Variants in TPRG1 observed in about 807,000 individuals in gnomAD.
The protein encoded by TPRG1 is tumor protein p63-regulated gene 1 protein.
In TPRG1, 29 loss-of-function variants were observed where a neutral mutation model predicts 29.3. The observed-to-expected ratio is 0.99, with a 90% confidence interval of 0.74 to 1.35. The LOEUF (loss-of-function observed/expected upper bound fraction) is 1.35. TPRG1 is among the 40% of genes most tolerant of loss of function. The pLI, the probability that TPRG1 is intolerant of heterozygous loss-of-function variation, is 0.00. For synonymous variants in TPRG1, 130 were observed against 116.8 expected, an observed-to-expected ratio of 1.11 and a Z score of -0.73; for missense variants, 327 against 335.0, an observed-to-expected ratio of 0.98 and a Z score of 0.19.
intron 4 of TPRG1, among the ~76,000 whole-genome samples, chr3:189,149,564 T>C (rs1300357997): frequency 6.6e-6 from 1 of 152,238 alleles, no homozygotes; most frequent in Non-Finnish European, 1.5e-5. Context: ...CAAAGACTGT[T>C]TTGTTTCAGC....
At chr3:189,294,453 G>A (rs537689231) in intron 4 of TPRG1, among the ~76,000 whole-genome samples, 37 of 152,290 alleles carry the variant, frequency 2.4e-4, no homozygotes, top group Non-Finnish European at 4.4e-4. Context: ...ATGAGCAAAG[G>A]TTGAACTGGA....
intron 3 of TPRG1, among the ~76,000 whole-genome samples, chr3:189,224,860 G>C (rs2108878466): frequency 6.6e-6 from 1 of 151,842 alleles, no homozygotes; most frequent in Non-Finnish European, 1.5e-5. Context: ...CTCTAACACA[G>C]TGTGCAATGG....
chr3:189,147,424 C>G (rs1039985793), intron 3 of TPRG1, among the ~76,000 whole-genome samples: 5 of 152,198 alleles, frequency 3.3e-5, no homozygotes, highest in African/African-American at 1.2e-4. Flanking sequence ...CACTACTACA[C>G]CAGCAGACGC....
intron 3 of TPRG1, among the ~76,000 whole-genome samples, chr3:189,134,227 C>T (rs1485248916): frequency 3.9e-5 from 6 of 151,988 alleles, no homozygotes; most frequent in African/African-American, 1.5e-4. Flanking sequence ...GGCTTGGTTT[C>T]CTCATCTGCA....
chr3:189,093,868 C>T (rs1249187719), intron 4 of TPRG1, among the ~76,000 whole-genome samples: 10 of 152,282 alleles, frequency 6.6e-5, no homozygotes, highest in Middle Eastern at 3.4e-3. Context: ...CGTGCCTCTA[C>T]GGGCCTTTCT....
intron 3 of TPRG1, among the ~76,000 whole-genome samples, chr3:189,134,513 AG>A (rs1423748757): frequency 6.7e-6 from 1 of 149,942 alleles, no homozygotes; most frequent in Admixed American, 6.7e-5. Context: ...CCCTGACTCA[AG>A]TGATCCTCCC....
chr3:189,259,264 C>T (rs1270451014), intron 4 of TPRG1, among the ~76,000 whole-genome samples: 1 of 151,894 alleles, frequency 6.6e-6, no homozygotes, highest in Non-Finnish European at 1.5e-5. Context: ...GTTCCCTGAC[C>T]CCTTGGGCTT....
At chr3:189,180,059 A>G (rs1560519665) in intron 1 of TPRG1, among the ~76,000 whole-genome samples, 1 of 152,194 alleles carries the variant, frequency 6.6e-6, no homozygotes, top group Non-Finnish European at 1.5e-5. Flanking sequence ...ACGAAGAGAT[A>G]GAGTTTTTGC....
chr3:189,066,444 C>A (rs1716453995), intron 4 of TPRG1, among the ~76,000 whole-genome samples: 1 of 151,938 alleles, frequency 6.6e-6, no homozygotes, highest in Admixed American at 6.6e-5. Flanking sequence ...CTGACTTCGA[C>A]AATACATTAA....
intron 5 of TPRG1, among the ~76,000 whole-genome samples, chr3:189,156,272 G>A (rs941581094): frequency 4.9e-4 from 75 of 151,664 alleles, no homozygotes; most frequent in East Asian, 2.5e-3. Context: ...TCTAGAAGCC[G>A]AAAAAATCAA....
At chr3:189,176,407 G>A (rs1328122691) in intron 1 of TPRG1, among the ~76,000 whole-genome samples, 1 of 152,144 alleles carries the variant, frequency 6.6e-6, no homozygotes, top group African/African-American at 2.4e-5. Context: ...GAAGAAAATT[G>A]TGTCTTTTCT....
chr3:189,055,171 A>G (rs765785518), intron 4 of TPRG1, among the ~76,000 whole-genome samples: 2 of 152,184 alleles, frequency 1.3e-5, no homozygotes, highest in Non-Finnish European at 2.9e-5. Context: ...GTCCCCAGGT[A>G]GTTAGAAGAG....
In TPRG1 at chr3:189,203,973, G is replaced by A. The variant is rs113830528; in HGVS notation, c.-9-3403G>A. Among the ~76,000 whole-genome samples the A allele has an allele frequency of 1.6e-4, 24 of 149,704 alleles. 2 individuals are homozygous for A. The highest frequency in any genetic ancestry group is 4.9e-4 in the African/African-American group (20 of 40,476). ...GAAGAATTGCATGAACCCAGGAGGC[G>A]GAGAATGCAGTGAGCCTAGATCGTG... is the stretch of plus-strand genomic sequence containing the variant. On this transcript the variant is annotated intron_variant, in intron 1 of 5. Transcript: ENST00000345063.
At chr3:189,101,865 C>A (rs1719242569) in intron 1 of TPRG1, among the ~76,000 whole-genome samples, 1 of 151,780 alleles carries the variant, frequency 6.6e-6, no homozygotes. Context: ...ACTTGGTGTG[C>A]TGCATGATCA....
chr3:189,095,045 G>A (rs959015350), intron 4 of TPRG1, among the ~76,000 whole-genome samples: 2 of 152,158 alleles, frequency 1.3e-5, no homozygotes, highest in African/African-American at 2.4e-5. Flanking sequence ...TCTGGCTCAC[G>A]ACTAGGGTAC....
intron 1 of TPRG1, among the ~76,000 whole-genome samples, chr3:189,108,503 G>C (rs1720084559): frequency 6.6e-6 from 1 of 150,502 alleles, no homozygotes; most frequent in African/African-American, 2.4e-5. Context: ...TGGCAGCACA[G>C]TTTCCATAAA....
At chr3:189,314,479 A>G (rs142506309) in intron 5 of TPRG1, among the ~76,000 whole-genome samples, 215 of 152,324 alleles carry the variant, frequency 1.4e-3, no homozygotes, top group African/African-American at 5.0e-3. Flanking sequence ...GCTATGTCAA[A>G]ATATACTATT....
At chr3:189,314,376 C>T (rs1311063052) in intron 5 of TPRG1, among the ~76,000 whole-genome samples, 4 of 152,116 alleles carry the variant, frequency 2.6e-5, no homozygotes, top group African/African-American at 4.8e-5. Context: ...AAAGAAAGAG[C>T]ATTAATGGAT....
intron 3 of TPRG1, among the ~76,000 whole-genome samples, chr3:189,010,811 G>T (rs1471385134): frequency 1.3e-5 from 2 of 150,918 alleles, no homozygotes; most frequent in African/African-American, 4.8e-5. Context: ...TTTGCTTTTG[G>T]CATCTTCCTC....
Sources: allele counts gnomAD v4.1 joint callset (sites outside exome capture counted in the v4.1 genomes callset), GRCh38; gene constraint gnomAD v4.1.1; transcripts MANE v1.5; gene names NCBI Gene and HGNC (gene_info 2026-07-23, HGNC 2026-07-21).